Variants in SLC9A3 observed in about 807,000 individuals in gnomAD.
The protein encoded by SLC9A3 is solute carrier family 9 member A3.
In SLC9A3, 37 loss-of-function variants were observed where a neutral mutation model predicts 86.8. The ratio of observed to expected loss-of-function variants is 0.43; its 90% CI spans 0.33 to 0.56. The LOEUF is 0.56. Among genes scored for constraint, SLC9A3 ranks in the 20% least tolerant of loss-of-function variants. The probability of loss-of-function intolerance (pLI) is 0.06; values close to 1 mark genes in which losing one functional copy is unlikely to be tolerated. For synonymous variants in SLC9A3, 581 were observed against 528.3 expected, an observed-to-expected ratio of 1.10 and a Z score of -1.37; for missense variants, 1,011 against 1,171.9, an observed-to-expected ratio of 0.86 and a Z score of 2.00.
rs538659626 is a variant in SLC9A3 at position 491,149 on chromosome 5, C to G, written c.514+620G>C. On this transcript the variant is annotated intron_variant, in intron 2 of 16. Transcript: ENST00000264938. This position sits in a 1 kb window ranked among gnomAD's most constrained non-coding sequence, Gnocchi z 9.2. ...CGCTCAGCCGTGGGGCCCAGCTGGT[C>G]AAAGCTAGGCTCTGCCTGAGGTCCC... is the stretch of plus-strand genomic sequence containing the variant. Among the ~76,000 whole-genome samples, 9 of 152,302 alleles carry G rather than the reference C, an allele frequency of 5.9e-5. No individual in the cohort carries two copies. The South Asian group carries it at 1.9e-3, about 32-fold the overall frequency.
chr5:477,224 C>T (rs1186888195), intron 11 of SLC9A3, 108 bp downstream of exon 11: 1 of 738,734 alleles, frequency 1.4e-6, no homozygotes, highest in Non-Finnish European at 2.3e-6. Flanking sequence ...CACCTCTCCC[C>T]TCTTCCATGC....
chr5:476,134 A>C, intron 13 of SLC9A3, 42 bp from the exon 14 acceptor site: 1 of 1,612,176 alleles, frequency 6.2e-7, no homozygotes, highest in Non-Finnish European at 8.5e-7. Flanking sequence ...CGACACAGCC[A>C]CACCCAGCCC....
chr5:518,556 C>T (rs959936373), intron 1 of SLC9A3, among the ~76,000 whole-genome samples: 4 of 152,196 alleles, frequency 2.6e-5, no homozygotes, highest in African/African-American at 4.8e-5. Flanking sequence ...GTGGCTTCAT[C>T]GTGCACTGAG....
chr5:482,632 C>T lies in SLC9A3; in HGVS notation c.1272G>A (p.Val424=), dbSNP rs1739262287. 6.2e-7 allele frequency: 1 copy of T among 1,612,740 alleles called. No individual in the cohort carries two copies. The highest frequency in any genetic ancestry group is 1.3e-5 in the African/African-American group (1 of 74,902). ...CCTTGACCTTGTCTCCATCCAGAAGCACCACCAGGGCAAAGGCCACGGCCC... is the reference window on the plus strand; with the variant it reads ...CCTTGACCTTGTCTCCATCCAGAAGTACCACCAGGGCAAAGGCCACGGCCC... The part of the protein sequence containing the change: ...LRGAVAFALV[V]LLDGDKVKEK... Residue 424 remains valine, a synonymous_variant, in exon 7 of 17, where the codon GTG becomes GTA. Transcript: ENST00000264938.
intron 1 of SLC9A3, among the ~76,000 whole-genome samples, chr5:495,187 G>GC (rs997264941): frequency 2.6e-5 from 4 of 152,082 alleles, no homozygotes; most frequent in African/African-American, 9.7e-5. Flanking sequence ...CCGACACTTG[G>GC]CCCGGGGTCT....
At chr5:511,645 G>A (rs1337574608) in intron 1 of SLC9A3, among the ~76,000 whole-genome samples, 17 of 152,374 alleles carry the variant, frequency 1.1e-4, no homozygotes, top group Admixed American at 1.1e-3. Context: ...AGCACCGAAG[G>A]CTGGCGAGGA....
chr5:495,287 G>T lies in SLC9A3; in HGVS notation c.212-3216C>A, dbSNP rs185691614. 4.7e-4 allele frequency among the ~76,000 whole-genome samples: 71 copies of T among 151,360 alleles called. 1 individual carries two copies. Among genetic ancestry groups the T allele is most frequent in the African/African-American group, 1.6e-3 (65 of 41,484 alleles). Reference sequence around the variant, plus strand: ...CGTTGTGAAGCCACCCCAGACAACCGCGGGCCAGCAAGTCAGGGACACAGG... The same window carrying T: ...CGTTGTGAAGCCACCCCAGACAACCTCGGGCCAGCAAGTCAGGGACACAGG... On this transcript the variant is annotated intron_variant, in intron 1 of 16. Transcript: ENST00000264938.
At chr5:475,775 G>T in intron 14 of SLC9A3, 104 bp from the exon 15 acceptor site, 4 of 746,890 alleles carry the variant, frequency 5.4e-6, no homozygotes, top group Non-Finnish European at 9.2e-6. Context: ...GCAGGCAGTC[G>T]GGACCCACAG....
In SLC9A3 at chr5:473,259, G is replaced by A. The variant is rs553036828; in HGVS notation, c.*120C>T. On this transcript the variant is annotated 3_prime_UTR_variant, in exon 17 of 17. Transcript: ENST00000264938. ...CGCTGGCGTGGGCGAGGCGGGGCTC[G>A]GGGCTCGCGGTCGCTGTAGCCGCGC... The A allele has an allele frequency of 3.6e-6, 4 of 1,114,344 alleles. No individual in the cohort carries two copies. The South Asian group carries it at 9.1e-5, about 25-fold the overall frequency. 69.0% of individuals were successfully genotyped at this position (1,114,344 alleles called of 1,614,324 possible). A position where few individuals can be genotyped will look rare whatever the true frequency, so the allele number is the denominator to read the frequency against.
chr5:471,924 T>G lies in SLC9A3; in HGVS notation c.*1455A>C. On this transcript the variant is annotated 3_prime_UTR_variant, in exon 17 of 17. Transcript: ENST00000264938. ...GTGCAATATTCAGTCAACATAAAAC[T>G]CTTTAAGAACTCCTCCTGACTGGTG... is the stretch of plus-strand genomic sequence containing the variant. 1 of 456,636 alleles carries G rather than the reference T, an allele frequency of 2.2e-6. No homozygotes were observed. The highest frequency in any genetic ancestry group is 3.3e-4 in the Middle Eastern group (1 of 3,076). 28.3% of individuals were successfully genotyped at this position (456,636 alleles called of 1,614,324 possible).
At chr5:473,446 C>G in intron 16 of SLC9A3, 64 bp from the exon 17 acceptor site, 1 of 1,301,986 alleles carries the variant, frequency 7.7e-7, no homozygotes. Flanking sequence ...GGGGCGTCCC[C>G]GGGGGCCTCA....
intron 2 of SLC9A3, among the ~76,000 whole-genome samples, chr5:489,210 T>C (rs2126627257): frequency 6.6e-6 from 1 of 152,234 alleles, no homozygotes; most frequent in East Asian, 1.9e-4. Context: ...GTCTGCCCTC[T>C]CTCACGGCCG....
In SLC9A3 at chr5:488,382, G is replaced by C; in HGVS notation, c.609C>G (p.Val203=). ...PVAVLAVFEE[V]HVNEVLFIIV... ...TGATGAACAGGACCTCGTTGACATG[G>C]ACCTCCTCAAACACGGCCAGGACGG... The change falls in exon 3 of 17, where the codon GTC becomes GTG. Residue 203 remains valine (V), a synonymous_variant. Transcript: ENST00000264938. 6.2e-7 allele frequency: 1 copy of C among 1,612,446 alleles called. No homozygotes were observed. The highest frequency in any genetic ancestry group is 8.5e-7 in the Non-Finnish European group (1 of 1,179,690).
chr5:491,796 A>G lies in SLC9A3; in HGVS notation c.487T>C (p.Tyr163His). ...WNAATTGLSL[Y>H]GVFLSGLMGD... ...ATGAGCCCACTGAGGAAGACGCCGT[A>G]GAGGGACAGCCCGGTGGTGGCCGCG... Residue 163 changes from tyrosine to histidine, a missense_variant, in exon 2 of 17, where the codon TAC becomes CAC. By Grantham distance (83) the Tyr-to-His change is moderately conservative (BLOSUM62 2). This residue lies in a region of SLC9A3 where 565 missense variants were observed against 790.0 expected (regional missense o/e 0.72). Coordinates refer to ENST00000264938, the MANE Select transcript of SLC9A3 (RefSeq NM_004174.4). The surrounding 1 kb of genome is among the most constrained non-coding windows in gnomAD (Gnocchi z 9.2). 1.3e-6 allele frequency: 2 copies of G among 1,576,018 alleles called. No homozygotes were observed. The highest frequency in any genetic ancestry group is 1.7e-6 in the Non-Finnish European group (2 of 1,159,740).
rs5865334 is a variant in SLC9A3 at position 479,764 on chromosome 5, G to GC, written c.1647+71dup. 0.87 allele frequency: 1,339,338 copies of GC among 1,542,910 alleles called. 585,105 individuals are homozygous for GC. Among genetic ancestry groups the GC allele is most frequent in the African/African-American group, 0.91 (67,240 of 73,662 alleles). ...GCGGGTGCAGGGGCCTCTCCTCACT[G>GC]CCCCATGGCACCCACAGCCAGTGCC... is the stretch of plus-strand genomic sequence containing the variant. On this transcript the variant is annotated intron_variant, in intron 10 of 16. Transcript: ENST00000264938.
At chr5:509,745 G>T (rs1740795346) in intron 1 of SLC9A3, among the ~76,000 whole-genome samples, 1 of 152,196 alleles carries the variant, frequency 6.6e-6, no homozygotes, top group Admixed American at 6.5e-5. Flanking sequence ...AGGAGAATGG[G>T]GTGCGGGGAG....
At chr5:486,561 C>T (rs1018088573) in intron 3 of SLC9A3, among the ~76,000 whole-genome samples, 8 of 152,210 alleles carry the variant, frequency 5.3e-5, no homozygotes, top group Non-Finnish European at 1.0e-4. Flanking sequence ...ACCCACACAC[C>T]GTCCGGGCTC....
At chr5:473,511 C>T (rs1738518448) in intron 16 of SLC9A3, 129 bp from the exon 17 acceptor site, 2 of 766,794 alleles carry the variant, frequency 2.6e-6, no homozygotes, top group Non-Finnish European at 1.8e-6. Context: ...ACCCCAGGCT[C>T]GGCGTCCGCT....
intron 1 of SLC9A3, among the ~76,000 whole-genome samples, chr5:509,107 CAA>C (rs113438141): frequency 6.5e-5 from 8 of 123,078 alleles, no homozygotes; most frequent in African/African-American, 2.1e-4. Flanking sequence ...GATCCTGTCT[CAA>C]AAAAAAAAAA....
Sources: gnomAD v4.1 joint callset for allele counts (sites outside exome capture counted in the v4.1 genomes callset) on GRCh38, gnomAD v4.1.1 for gene constraint, gnomAD v4.1.1 regional missense constraint, Gnocchi (gnomAD v3.1) non-coding constraint, MANE v1.5 for transcripts, NCBI Gene and HGNC (gene_info 2026-07-23, HGNC 2026-07-21) for gene names.